Variants in PRIM2 observed in about 807,000 individuals in gnomAD.
The protein encoded by PRIM2 is DNA primase large subunit.
In PRIM2, 39 loss-of-function variants were observed where a neutral mutation model predicts 67.3. That is an observed-to-expected ratio of 0.58 (90% CI 0.45 to 0.76). The LOEUF is 0.76. PRIM2 is among the 30% of genes least tolerant of loss of function. The pLI is 0.00. For missense variants in PRIM2, 398 were observed against 598.7 expected (o/e 0.66, Z 3.50); for synonymous variants, 143 against 198.7 (o/e 0.72, Z 2.36).
At chr6:57,617,730 T>A (rs1481407998) in intron 12 of PRIM2, among the ~76,000 whole-genome samples, 4 of 152,166 alleles carry the variant, frequency 2.6e-5, no homozygotes, top group Non-Finnish European at 5.9e-5. Context: ...TCTTAATGTC[T>A]ATTGGTGGAC....
chr6:57,525,657 A>G (rs1176903952), intron 8 of PRIM2, among the ~76,000 whole-genome samples: 5 of 152,342 alleles, frequency 3.3e-5, no homozygotes, highest in African/African-American at 4.8e-5. Flanking sequence ...TTTCTAAAGC[A>G]TAACTCTCTC....
chr6:57,519,058 A>C (rs1774549592), intron 8 of PRIM2, among the ~76,000 whole-genome samples: 1 of 152,188 alleles, frequency 6.6e-6, no homozygotes. Flanking sequence ...AGCCACAAAA[A>C]CCAGCAAGTT....
chr6:57,256,716 A>T, the PRIM2 span, among the ~76,000 whole-genome samples: 1,198 of 123,906 alleles, frequency 9.7e-3, 25 homozygotes, highest in African/African-American at 0.041. Flanking sequence ...TCTCACTTTC[A>T]CACACACACA....
chr6:57,284,960 A>C, the PRIM2 span, among the ~76,000 whole-genome samples: 1 of 152,194 alleles, frequency 6.6e-6, no homozygotes, highest in Non-Finnish European at 1.5e-5. Context: ...GACCCCACAG[A>C]AATACAAACT....
intron 10 of PRIM2, among the ~76,000 whole-genome samples, chr6:57,558,515 A>G (rs1367012972): frequency 6.6e-6 from 1 of 152,146 alleles, no homozygotes; most frequent in Non-Finnish European, 1.5e-5. Flanking sequence ...CTAAACACAT[A>G]GAACCATTAC....
intron 7 of PRIM2, chr6:57,493,882 G>A: frequency 6.6e-6 from 1 of 152,256 alleles, no homozygotes; most frequent in African/African-American, 2.4e-5. Flanking sequence ...AAGACGTCAA[G>A]TATAAAGGAT....
chr6:57,546,518 G>A (rs1353163765), intron 10 of PRIM2, among the ~76,000 whole-genome samples: 12 of 151,912 alleles, frequency 7.9e-5, no homozygotes, highest in South Asian at 6.2e-4. Context: ...ACAAAACATC[G>A]TTAACTCTTC....
the PRIM2 span, among the ~76,000 whole-genome samples, chr6:57,281,854 A>G: frequency 6.6e-6 from 1 of 152,168 alleles, no homozygotes; most frequent in African/African-American, 2.4e-5. Context: ...AAAAAGCCAT[A>G]CAACTGAGTT....
At chr6:57,480,340 A>G (rs1375225333) in intron 7 of PRIM2, among the ~76,000 whole-genome samples, 1 of 152,206 alleles carries the variant, frequency 6.6e-6, no homozygotes, top group Admixed American at 6.5e-5. Context: ...AGAAATGTAT[A>G]GAGGAGTCCA....
chr6:57,263,396 C>T, the PRIM2 span, among the ~76,000 whole-genome samples: 1 of 152,204 alleles, frequency 6.6e-6, no homozygotes, highest in Non-Finnish European at 1.5e-5. Flanking sequence ...CCCTTCCCAG[C>T]TTCTGGTGGC....
intron 13 of PRIM2, among the ~76,000 whole-genome samples, chr6:57,638,599 AGC>A (rs1246657581): frequency 1.7e-4 from 25 of 146,148 alleles, no homozygotes; most frequent in African/African-American, 6.5e-4. Flanking sequence ...AAAAAAAAAA[AGC>A]AGGGATTGCA....
chr6:57,257,332 C>G, the PRIM2 span, among the ~76,000 whole-genome samples: 8 of 148,578 alleles, frequency 5.4e-5, no homozygotes, highest in Admixed American at 5.4e-4. Flanking sequence ...AGTGCAATGG[C>G]GCAATCTCGG....
the PRIM2 span, among the ~76,000 whole-genome samples, chr6:57,236,110 A>C: frequency 6.6e-6 from 1 of 152,230 alleles, no homozygotes; most frequent in African/African-American, 2.4e-5. Context: ...ACTATATCGT[A>C]AGCTGAATTT....
At chr6:57,433,374 T>G (rs1217977958) in intron 7 of PRIM2, among the ~76,000 whole-genome samples, 1 of 151,200 alleles carries the variant, frequency 6.6e-6, no homozygotes, top group East Asian at 1.9e-4. Flanking sequence ...TATCTCCTAA[T>G]GCTATCCCTC....
At chr6:57,320,601 C>T in intron 3 of PRIM2, 41 bp downstream of exon 3, 1 of 1,274,846 alleles carries the variant, frequency 7.8e-7, no homozygotes, top group Admixed American at 2.2e-5. Flanking sequence ...AGTTTCTATG[C>T]ATTTATGTAT....
chr6:57,435,845 G>C (rs765569060), intron 7 of PRIM2, among the ~76,000 whole-genome samples: 6 of 152,094 alleles, frequency 3.9e-5, no homozygotes, highest in Admixed American at 2.0e-4. Flanking sequence ...GGTGGTTTGG[G>C]CATTTTAAAG....
At chr6:57,535,225 C>T (rs1774980111) in intron 9 of PRIM2, among the ~76,000 whole-genome samples, 1 of 152,094 alleles carries the variant, frequency 6.6e-6, no homozygotes, top group South Asian at 2.1e-4. Flanking sequence ...GAGAAGGGTG[C>T]ACCAGGCAGG....
At chr6:57,540,297 A>C (rs1775120171) in intron 10 of PRIM2, among the ~76,000 whole-genome samples, 1 of 151,894 alleles carries the variant, frequency 6.6e-6, no homozygotes, top group East Asian at 1.9e-4. Flanking sequence ...ACACAGCGAG[A>C]GAGAGAGAGA....
chr6:57,481,420 G>A (rs1396718451), intron 7 of PRIM2, among the ~76,000 whole-genome samples: 2 of 152,164 alleles, frequency 1.3e-5, no homozygotes, highest in Non-Finnish European at 2.9e-5. Context: ...ATCCATCCAA[G>A]TTGTTGCATA....
Sources: allele counts gnomAD v4.1 joint callset (sites outside exome capture counted in the v4.1 genomes callset), GRCh38; gene constraint gnomAD v4.1.1; transcripts MANE v1.5; gene names NCBI Gene and HGNC (gene_info 2026-07-23, HGNC 2026-07-21).